Variants in ZNF837 observed in about 807,000 individuals in gnomAD.
ZNF837 encodes zinc finger protein 837.
For missense variants in ZNF837, 955 were observed against 801.7 expected, an observed-to-expected ratio of 1.19 and a Z score of -2.31; for synonymous variants, 475 against 365.2, an observed-to-expected ratio of 1.30 and a Z score of -3.43.
chr19:58,373,568 T>G (rs1465302254), intron 1 of ZNF837, among the ~76,000 whole-genome samples: 1 of 152,192 alleles, frequency 6.6e-6, no homozygotes, highest in African/African-American at 2.4e-5. Context: ...TCCTTCCAGG[T>G]GAGGGGTTGG....
In ZNF837 at chr19:58,369,160, G is replaced by A. The variant is rs1002926553; in HGVS notation, c.173C>T (p.Thr58Met). Reference sequence around the variant, plus strand: ...CCGGGAGCCCCCGCCTGGGGGAGTCGTCCTACCGCCCGCCGCTCCACGCAG... The same window carrying A: ...CCGGGAGCCCCCGCCTGGGGGAGTCATCCTACCGCCCGCCGCTCCACGCAG... ...GDLRGAAGGR[T>M]TPPGGGSRGC... Residue 58 changes from threonine to methionine, a missense_variant, in exon 3 of 3, where the codon ACG becomes ATG. By Grantham distance (81) the Thr-to-Met change is moderately conservative. Coordinates refer to ENST00000597582, the MANE Select transcript of ZNF837 (RefSeq NM_138466.2). The A allele has an allele frequency of 5.5e-6, 8 of 1,451,880 alleles. No homozygotes were observed. The African/African-American group carries it at 1.0e-4, about 19-fold the overall frequency. 89.9% of individuals were successfully genotyped at this position (1,451,880 alleles called of 1,614,324 possible). A position where few individuals can be genotyped will look rare whatever the true frequency, so the allele number is the denominator to read the frequency against.
intron 1 of ZNF837, among the ~76,000 whole-genome samples, chr19:58,374,101 A>G (rs960119257): frequency 6.6e-6 from 1 of 152,192 alleles, no homozygotes; most frequent in Non-Finnish European, 1.5e-5. Context: ...TGGTGGGGAT[A>G]TAGATAGTGC....
Position 58,368,851 on chromosome 19 carries a change from C to T in ZNF837, c.482G>A (p.Cys161Tyr). The change falls in exon 3 of 3, where the codon TGT (cysteine) becomes TAT (tyrosine). Residue 161 changes from cysteine (C) to tyrosine (Y), a missense_variant. Coordinates refer to ENST00000597582, the MANE Select transcript of ZNF837 (RefSeq NM_138466.2). ...CGGCCAACAGTCCGTGTGGACCTCA[C>T]ACAGTTGAGTCCGGGGGTGGTTCTG... ...RIQNHPRTQLCEVHTDCWPCQ... is the reference protein window; with the variant it reads ...RIQNHPRTQLYEVHTDCWPCQ... 1 of 1,547,520 alleles carries T rather than the reference C, an allele frequency of 6.5e-7. No homozygotes were observed. Among genetic ancestry groups the T allele is most frequent in the Non-Finnish European group, 8.7e-7 (1 of 1,146,696 alleles).
chr19:58,369,299 C>G lies in ZNF837; in HGVS notation c.34G>C (p.Gly12Arg). The stretch of plus-strand genomic sequence containing the variant: ...CCCTGGGCATCGGCCTTGGGGAGTC[C>G]TCCCTGCCCAGCCTTCTGGGCTGGA... ...EAPAQKAGQG[G>R]LPKADAQGAS... The change falls in exon 3 of 3, where the codon GGA becomes CGA. Residue 12 changes from glycine (G) to arginine (R), a missense_variant. Physicochemically the swap from Gly to Arg is moderately radical, Grantham distance 125. Transcript: ENST00000597582. 2.2e-6 allele frequency: 3 copies of G among 1,384,050 alleles called. No individual in the cohort carries two copies. The highest frequency in any genetic ancestry group is 2.8e-6 in the Non-Finnish European group (3 of 1,074,568). The allele number at this position is 1,384,050 out of a possible 1,614,324, so 85.7% of individuals were successfully genotyped here. A position where few individuals can be genotyped will look rare whatever the true frequency, so the allele number is the denominator to read the frequency against.
chr19:58,367,881 G>C lies in ZNF837; in HGVS notation c.1452C>G (p.Phe484Leu). 4.6e-6 allele frequency: 7 copies of C among 1,535,696 alleles called. No individual in the cohort carries two copies. Among genetic ancestry groups the C allele is most frequent in the Non-Finnish European group, 5.2e-6 (6 of 1,144,332 alleles). ...GGCGCACCAGGCTGCAGTTGCGCAC[G>C]AAGGCCTTGCCGCAGTCGCGGCAGA... ...PYICRDCGKA[F>L]VRNCSLVRHL... Residue 484 changes from phenylalanine (F) to leucine (L), a missense_variant, in exon 3 of 3, where the codon TTC (phenylalanine) becomes TTG (leucine). Phe to Leu is a conservative substitution (Grantham distance 22). Coordinates refer to ENST00000597582, the MANE Select transcript of ZNF837 (RefSeq NM_138466.2).
rs1599923866 is a variant in ZNF837 at position 58,370,769 on chromosome 19, C to T, written c.-139-841G>A. 3.9e-5 allele frequency among the ~76,000 whole-genome samples: 6 copies of T among 152,084 alleles called. No individual in the cohort carries two copies. The South Asian group carries it at 1.2e-3, about 32-fold the overall frequency. Reference sequence around the variant, plus strand: ...AATTAGCCAGGCATGGTGGTGCGTGCCTGTAATCCCAGCTACTCAGGAGGC... The same window carrying T: ...AATTAGCCAGGCATGGTGGTGCGTGTCTGTAATCCCAGCTACTCAGGAGGC... On this transcript the variant is annotated intron_variant, in intron 1 of 2. Transcript: ENST00000597582.
chr19:58,374,204 A>G (rs2052223344), intron 1 of ZNF837, among the ~76,000 whole-genome samples: 1 of 152,234 alleles, frequency 6.6e-6, no homozygotes. Context: ...CCCAAGAGAA[A>G]TGAACTCAGG....
rs1444972935 is a variant in ZNF837, at chr19:58,368,950, G to T, written c.383C>A (p.Ser128Tyr). Residue 128 changes from serine to tyrosine, a missense_variant, in exon 3 of 3, where the codon TCC becomes TAC. Coordinates refer to ENST00000597582, the MANE Select transcript of ZNF837 (RefSeq NM_138466.2). Reference sequence around the variant, plus strand: ...CGCCCCGCGATGCCACGCCAGGCAGGAGTTCCTGCTGCAGTCCCCGCCACG... The same window carrying T: ...CGCCCCGCGATGCCACGCCAGGCAGTAGTTCCTGCTGCAGTCCCCGCCACG... Reference protein sequence around the residue: ...PARGGDCSRNSCLAWHRGAPA... With the variant: ...PARGGDCSRNYCLAWHRGAPA... 1 of 1,542,602 alleles carries T rather than the reference G, an allele frequency of 6.5e-7. No individual in the cohort carries two copies. Among genetic ancestry groups the T allele is most frequent in the Non-Finnish European group, 8.8e-7 (1 of 1,141,870 alleles).
At chr19:58,379,633 C>G (rs1187246621) in intron 1 of ZNF837, among the ~76,000 whole-genome samples, 1 of 152,226 alleles carries the variant, frequency 6.6e-6, no homozygotes, top group Admixed American at 6.5e-5. Flanking sequence ...GGTGCTCGCC[C>G]AGCCTTTCTA....
At position 58,375,313 on chromosome 19, in the gene ZNF837, A is replaced by ATATATATATATAT. The variant is rs1568568408; in HGVS notation, c.-139-5386_-139-5385insATATATATATATA. On this transcript the variant is annotated intron_variant, in intron 1 of 2. Coordinates refer to ENST00000597582, the MANE Select transcript of ZNF837 (RefSeq NM_138466.2). ...ATATATATATATATATATATATATA[A>ATATATATATATAT]AATTACATATATACTTAAGAGTATA... is the stretch of plus-strand genomic sequence containing the variant. Among the ~76,000 whole-genome samples, 25 of 34,582 alleles carry ATATATATATATAT rather than the reference A, an allele frequency of 7.2e-4. 1 individual carries two copies. Among genetic ancestry groups the ATATATATATATAT allele is most frequent in the Non-Finnish European group, 1.1e-3 (17 of 14,962 alleles). 22.7% of individuals were successfully genotyped at this position (34,582 alleles called of 152,430 possible). A position where few individuals can be genotyped will look rare whatever the true frequency, so the allele number is the denominator to read the frequency against.
intron 1 of ZNF837, among the ~76,000 whole-genome samples, chr19:58,374,432 A>G (rs913303794): frequency 6.6e-6 from 1 of 152,236 alleles, no homozygotes; most frequent in Non-Finnish European, 1.5e-5. Flanking sequence ...TGAGTCACAA[A>G]AGACCACATA....
At chr19:58,372,992 G>C (rs2052214568) in intron 1 of ZNF837, among the ~76,000 whole-genome samples, 1 of 152,214 alleles carries the variant, frequency 6.6e-6, no homozygotes, top group Admixed American at 6.5e-5. Context: ...TAATAAGCCA[G>C]GGTGACAGTA....
intron 1 of ZNF837, among the ~76,000 whole-genome samples, chr19:58,374,731 C>T (rs1035775800): frequency 6.6e-6 from 1 of 152,094 alleles, no homozygotes; most frequent in Non-Finnish European, 1.5e-5. Context: ...GAGGCCAGTT[C>T]GAGACCAGCC....
In ZNF837 at chr19:58,369,198, A is replaced by G. The variant is rs1293310737; in HGVS notation, c.135T>C (p.Thr45=). Residue 45 remains threonine, a synonymous_variant, in exon 3 of 3, where the codon ACT becomes ACC. Coordinates refer to ENST00000597582, the MANE Select transcript of ZNF837 (RefSeq NM_138466.2). ...CCGCTCCACGCAGGTCCCCCTTTTG[A>G]GTGGGGCGGCTCCCAGCTCGGTCCT... ...LEEDRAGSRP[T]QKGDLRGAAG... is the part of the protein sequence containing the mutation. 6.9e-7 allele frequency: 1 copy of G among 1,447,704 alleles called. No homozygotes were observed. 89.7% of individuals were successfully genotyped at this position (1,447,704 alleles called of 1,614,324 possible).
chr19:58,375,287 TATATATATATATATATATATATATAA>T lies in ZNF837; in HGVS notation c.-139-5385_-139-5360del, dbSNP rs1568568344. Among the ~76,000 whole-genome samples the T allele has an allele frequency of 3.2e-4, 20 of 62,116 alleles. 1 individual carries two copies. In the East Asian group the frequency reaches 3.8e-3, roughly 12 times the overall value. 40.8% of individuals were successfully genotyped at this position (62,116 alleles called of 152,430 possible). A position where few individuals can be genotyped will look rare whatever the true frequency, so the allele number is the denominator to read the frequency against. On this transcript the variant is annotated intron_variant, in intron 1 of 2. Transcript: ENST00000597582. ...AAAAAAAAGTATATATATATATATA[TATATATATATATATATATATATATAA>T]AATTACATATATACTTAAGAGTATA...
Position 58,368,387 on chromosome 19 carries a change from G to C in ZNF837, c.946C>G (p.Arg316Gly). The C allele has an allele frequency of 6.5e-7, 1 of 1,537,252 alleles. No individual in the cohort carries two copies. The highest frequency in any genetic ancestry group is 8.7e-7 in the Non-Finnish European group (1 of 1,144,848). ...TCGGCCGAGTGCGTCTTCTGGTGGC[G>C]GTACAGGCCGGAGCAGCGCACGAAG... is the stretch of plus-strand genomic sequence containing the variant. Reference protein sequence around the residue: ...KAFVRCSGLYRHQKTHSAERH... With the variant: ...KAFVRCSGLYGHQKTHSAERH... Residue 316 changes from arginine to glycine, a missense_variant, in exon 3 of 3, where the codon CGC (arginine) becomes GGC (glycine). By Grantham distance (125) the Arg-to-Gly change is moderately radical (BLOSUM62 -2). Transcript: ENST00000597582.
chr19:58,372,544 A>AGTTAGAAAT (rs2052211651), intron 1 of ZNF837, among the ~76,000 whole-genome samples: 1 of 152,214 alleles, frequency 6.6e-6, no homozygotes, highest in Admixed American at 6.5e-5. Flanking sequence ...TCTAACAGGC[A>AGTTAGAAAT]GTTGCCCTGG....
chr19:58,373,285 G>C (rs1436719279), intron 1 of ZNF837, among the ~76,000 whole-genome samples: 1 of 152,210 alleles, frequency 6.6e-6, no homozygotes, highest in Non-Finnish European at 1.5e-5. Flanking sequence ...CCCACTGTGG[G>C]CTCTGCCACT....
chr19:58,375,329 TAA>T (rs59866922), intron 1 of ZNF837, among the ~76,000 whole-genome samples: 13,532 of 135,410 alleles, frequency 0.1, 1,085 homozygotes, highest in East Asian at 0.35. Context: ...CATATATACT[TAA>T]GAGTATATAT....
Sources: allele counts gnomAD v4.1 joint callset (sites outside exome capture counted in the v4.1 genomes callset), GRCh38; gene constraint gnomAD v4.1.1; transcripts MANE v1.5; gene names NCBI Gene and HGNC (gene_info 2026-07-23, HGNC 2026-07-21).